Variants in CENPE observed in about 807,000 individuals in gnomAD.
CENPE encodes the protein centromere protein E, also known as centromere-associated protein E.
CENPE carries 145 observed loss-of-function variants against 336.1 expected under a neutral mutation model. The observed-to-expected ratio is 0.43, with a 90% CI of 0.38 to 0.50. The LOEUF (loss-of-function observed/expected upper bound fraction) is 0.50, where lower values mean the gene tolerates loss of function less well. CENPE is among the 20% of genes least tolerant of loss of function. The probability of loss-of-function intolerance (pLI) is 0.00; values close to 1 mark genes in which losing one functional copy is unlikely to be tolerated. For synonymous variants in CENPE, 1,013 were observed against 984.8 expected (o/e 1.03, Z -0.54); for missense variants, 2,719 against 3,023.3 (o/e 0.90, Z 2.36).
intron 16 of CENPE, among the ~76,000 whole-genome samples, chr4:103,170,782 C>T (rs774952165): frequency 6.6e-6 from 1 of 151,920 alleles, no homozygotes; most frequent in Non-Finnish European, 1.5e-5. Context: ...ATATATGCTG[C>T]CTGAAAGAGA....
chr4:103,126,933 TA>T (rs1751157855), intron 42 of CENPE, among the ~76,000 whole-genome samples: 1 of 150,828 alleles, frequency 6.6e-6, no homozygotes, highest in East Asian at 1.9e-4. Flanking sequence ...AAGTGTGCAG[TA>T]ATTATAAAAG....
At chr4:103,130,243 A>G (rs1163999476) in intron 42 of CENPE, among the ~76,000 whole-genome samples, 3 of 152,224 alleles carry the variant, frequency 2.0e-5, no homozygotes, top group Admixed American at 6.5e-5. Context: ...TTGTTTACAC[A>G]TGACATGATC....
intron 48 of CENPE, among the ~76,000 whole-genome samples, chr4:103,108,205 T>C (rs1253400320): frequency 2.0e-5 from 3 of 152,134 alleles, no homozygotes; most frequent in Non-Finnish European, 4.4e-5. Flanking sequence ...ACTTATTATA[T>C]TTCTCATAGT....
rs144813290 is a variant in CENPE at position 103,152,923 on chromosome 4, G to A, written c.3237+124C>T. The A allele has an allele frequency of 1.3e-5, 9 of 711,152 alleles. No homozygotes were observed. In the East Asian group the frequency reaches 2.2e-4, roughly 18 times the overall value. 44.1% of individuals were successfully genotyped at this position (711,152 alleles called of 1,614,324 possible). A position where few individuals can be genotyped will look rare whatever the true frequency, so the allele number is the denominator to read the frequency against. On this transcript the variant is annotated intron_variant, in intron 25 of 48. Transcript: ENST00000265148. ...TGGGTAGAGACATTTGTTAAAAGTC[G>A]TCAGACCATACACTTCCACCAGATA...
chr4:103,189,069 T>TA (rs1023436534), intron 8 of CENPE, among the ~76,000 whole-genome samples: 1 of 152,092 alleles, frequency 6.6e-6, no homozygotes, highest in African/African-American at 2.4e-5. Flanking sequence ...GCTGGACACA[T>TA]ACACCCTCCC....
chr4:103,176,148 G>A (rs1755840238), intron 14 of CENPE, 100 bp from the exon 15 acceptor site: 2 of 638,376 alleles, frequency 3.1e-6, no homozygotes, highest in Non-Finnish European at 5.4e-6. Flanking sequence ...GAGATACTAA[G>A]AACTTCAAAT....
rs1296511710 is a variant in CENPE at position 103,123,226 on chromosome 4, A to G, written c.6925-137T>C. The stretch of plus-strand genomic sequence containing the variant: ...AAATATTAAATGGGAAATTCCAGAA[A>G]TAAACAATTCACAGGTTTTGAATTG... On this transcript the variant is annotated intron_variant, in intron 42 of 48. Transcript: ENST00000265148. The G allele has an allele frequency of 4.5e-6, 3 of 663,368 alleles. No homozygotes were observed. The African/African-American group carries it at 5.5e-5, about 12-fold the overall frequency. 41.1% of individuals were successfully genotyped at this position (663,368 alleles called of 1,614,324 possible). A position where few individuals can be genotyped will look rare whatever the true frequency, so the allele number is the denominator to read the frequency against.
chr4:103,158,689 A>C lies in CENPE; in HGVS notation c.2799T>G (p.Asp933Glu). 6.2e-7 allele frequency: 1 copy of C among 1,612,632 alleles called. No individual in the cohort carries two copies. Among genetic ancestry groups the C allele is most frequent in the Non-Finnish European group, 8.5e-7 (1 of 1,179,310 alleles). The stretch of plus-strand genomic sequence containing the variant: ...GCAAGCTTTCTTGGAGTTGTTTTAG[A>C]TCATCTTTTTCTTGAGTTAAAGTTT... Reference protein sequence around the residue: ...EVKTLTQEKDDLKQLQESLQI... With the variant: ...EVKTLTQEKDELKQLQESLQI... The change falls in exon 23 of 49, where the codon GAT becomes GAG. Residue 933 changes from aspartate (D) to glutamate (E), a missense_variant. Coordinates refer to ENST00000265148, the MANE Select transcript of CENPE (RefSeq NM_001813.3).
At chr4:103,123,862 G>A (rs1187899981) in intron 42 of CENPE, among the ~76,000 whole-genome samples, 1 of 152,138 alleles carries the variant, frequency 6.6e-6, no homozygotes. Context: ...GAATACAGAA[G>A]GTCAATAGTA....
At chr4:103,124,994 A>G (rs1367196025) in intron 42 of CENPE, among the ~76,000 whole-genome samples, 2 of 152,246 alleles carry the variant, frequency 1.3e-5, no homozygotes, top group Admixed American at 1.3e-4. Flanking sequence ...CAGTATTACA[A>G]GAAAAACAAC....
chr4:103,120,600 G>A (rs552450336), intron 43 of CENPE, among the ~76,000 whole-genome samples: 1 of 152,132 alleles, frequency 6.6e-6, no homozygotes. Flanking sequence ...CAGCACAGTG[G>A]TTATGCGATT....
At position 103,163,908 on chromosome 4, in the gene CENPE, C is replaced by T. The variant is rs534952171; in HGVS notation, c.1648-355G>A. On this transcript the variant is annotated intron_variant, in intron 16 of 48. Coordinates refer to ENST00000265148, the MANE Select transcript of CENPE (RefSeq NM_001813.3). ...AGTGGTAATCAAACCTTGAAAAATA[C>T]ACGTTTAGTAGATTTTTGTTTTCAG... 4.6e-5 allele frequency among the ~76,000 whole-genome samples: 7 copies of T among 152,164 alleles called. No homozygotes were observed. The East Asian group carries it at 9.6e-4, about 21-fold the overall frequency.
chr4:103,121,420 A>G (rs752274973), intron 43 of CENPE, among the ~76,000 whole-genome samples: 8 of 151,892 alleles, frequency 5.3e-5, no homozygotes, highest in Non-Finnish European at 1.2e-4. Context: ...AAATGTCTGG[A>G]TTTTTGGGGG....
chr4:103,131,528 T>G (rs1751586338), intron 42 of CENPE, among the ~76,000 whole-genome samples: 1 of 152,202 alleles, frequency 6.6e-6, no homozygotes, highest in Non-Finnish European at 1.5e-5. Flanking sequence ...TACCGCCCCT[T>G]TGGAAGACTG....
rs946936541 is a variant in CENPE at position 103,147,523 on chromosome 4, G to T, written c.3967C>A (p.Leu1323Met). ...AGCCTTTCCATTTCTATTCTTGCCAGTGTTGTTGAGTCCTTGGTTGTGGAC... is the reference window on the plus strand; with the variant it reads ...AGCCTTTCCATTTCTATTCTTGCCATTGTTGTTGAGTCCTTGGTTGTGGAC... ...EQSTTKDSTTLARIEMERLRL... is the reference protein window; with the variant it reads ...EQSTTKDSTTMARIEMERLRL... Residue 1323 changes from leucine (L) to methionine (M), a missense_variant, in exon 29 of 49, where the codon CTG becomes ATG. By Grantham distance (15) the Leu-to-Met change is conservative (BLOSUM62 2). Coordinates refer to ENST00000265148, the MANE Select transcript of CENPE (RefSeq NM_001813.3). 1.1e-5 allele frequency: 18 copies of T among 1,613,912 alleles called. No homozygotes were observed. Among genetic ancestry groups the T allele is most frequent in the Non-Finnish European group, 1.4e-5 (17 of 1,180,020 alleles).
chr4:103,153,755 A>C (rs1274280743), intron 24 of CENPE, among the ~76,000 whole-genome samples: 2 of 151,994 alleles, frequency 1.3e-5, no homozygotes, highest in Admixed American at 6.6e-5. Flanking sequence ...GCAATCTTGA[A>C]CTCTATCACT....
At chr4:103,166,169 T>C (rs780914326) in intron 16 of CENPE, among the ~76,000 whole-genome samples, 12 of 152,160 alleles carry the variant, frequency 7.9e-5, no homozygotes, top group African/African-American at 1.4e-4. Context: ...AAAAATTAGA[T>C]GAAATTTTAA....
At chr4:103,168,811 T>C (rs959609827) in intron 16 of CENPE, among the ~76,000 whole-genome samples, 2 of 152,176 alleles carry the variant, frequency 1.3e-5, no homozygotes, top group Non-Finnish European at 2.9e-5. Flanking sequence ...CAGGATAACA[T>C]GGTGACCTCA....
intron 44 of CENPE, 26 bp downstream of exon 44, chr4:103,120,122 A>G (rs1560596688): frequency 6.6e-7 from 1 of 1,516,504 alleles, no homozygotes; most frequent in Non-Finnish European, 9.0e-7. Flanking sequence ...ACAAACAAAC[A>G]ACTTTTATTT....
Sources: gnomAD v4.1 joint callset for allele counts (sites outside exome capture counted in the v4.1 genomes callset) on GRCh38, gnomAD v4.1.1 for gene constraint, MANE v1.5 for transcripts, NCBI Gene and HGNC (gene_info 2026-07-23, HGNC 2026-07-21) for gene names.